Variants in AKAP12 observed in about 807,000 individuals in gnomAD.
AKAP12 encodes the protein A-kinase anchoring protein 12.
In AKAP12, 32 loss-of-function variants were observed where a neutral mutation model predicts 79.9. The observed-to-expected ratio is 0.40, with a 90% CI of 0.30 to 0.54. AKAP12 has a LOEUF of 0.54. AKAP12 is among the 20% of genes least tolerant of loss of function. The pLI is 0.48. For missense variants in AKAP12, 2,074 were observed against 2,177.0 expected, an observed-to-expected ratio of 0.95 and a Z score of 0.94; for synonymous variants, 808 against 857.0, an observed-to-expected ratio of 0.94 and a Z score of 1.00.
chr6:151,345,926 T>A (rs1407618228), intron 3 of AKAP12, among the ~76,000 whole-genome samples: 50 of 107,546 alleles, frequency 4.6e-4, no homozygotes, highest in Non-Finnish European at 7.5e-4. Context: ...TGTGTGTGTG[T>A]GTGTGTGAGA....
chr6:151,277,412 T>C (rs1304096625), intron 2 of AKAP12, among the ~76,000 whole-genome samples: 1 of 152,196 alleles, frequency 6.6e-6, no homozygotes, highest in Non-Finnish European at 1.5e-5. Context: ...CTTTAAGAAG[T>C]GTTTTTTAAG....
rs902051746 is a variant in AKAP12, at chr6:151,348,500, A to G, written c.320-211A>G. The stretch of plus-strand genomic sequence containing the variant: ...CAGAAAATAAAAAACTTAGCTGGAC[A>G]TGGTGGCATGTGCCTGTAGTCCCAG... On this transcript the variant is annotated intron_variant, in intron 3 of 4. Coordinates refer to ENST00000402676, the MANE Select transcript of AKAP12 (RefSeq NM_005100.4). The G allele has an allele frequency of 1.1e-5, 7 of 618,148 alleles. No homozygotes were observed. In the Admixed American group the frequency reaches 1.6e-4, roughly 14 times the overall value. 38.3% of individuals were successfully genotyped at this position (618,148 alleles called of 1,614,324 possible).
At chr6:151,309,956 C>T (rs898417943) in intron 3 of AKAP12, among the ~76,000 whole-genome samples, 6 of 149,456 alleles carry the variant, frequency 4.0e-5, no homozygotes, top group Non-Finnish European at 7.4e-5. Flanking sequence ...GGCAAATCTG[C>T]TTCTACCGAA....
At chr6:151,270,789 C>T (rs992283448) in intron 2 of AKAP12, among the ~76,000 whole-genome samples, 1 of 151,418 alleles carries the variant, frequency 6.6e-6, no homozygotes, top group Admixed American at 6.6e-5. Flanking sequence ...TGTGTGGATC[C>T]CTTTTGCTTT....
chr6:151,333,768 T>G lies in AKAP12; in HGVS notation c.320-14943T>G, dbSNP rs942052488. Among the ~76,000 whole-genome samples the G allele has an allele frequency of 1.1e-4, 17 of 150,664 alleles. No individual in the cohort carries two copies. In the Middle Eastern group the frequency reaches 0.01, roughly 93 times the overall value. On this transcript the variant is annotated intron_variant, in intron 3 of 4. Coordinates refer to ENST00000402676, the MANE Select transcript of AKAP12 (RefSeq NM_005100.4). ...AAAAAAAAAAAAAATGAAAGGTTTC[T>G]GCTCACCACAAACTAGAAGGGAATG...
In AKAP12 at chr6:151,351,789, G is replaced by A. The variant is rs1778297647; in HGVS notation, c.3398G>A (p.Ser1133Asn). ...APQVTESIES[S>N]ELVTTCQAET... ...CAAGTCACAGAGAGCATAGAGTCCAGTGAGCTTGTAACCACTTGTCAAGCC... is the reference window on the plus strand; with the variant it reads ...CAAGTCACAGAGAGCATAGAGTCCAATGAGCTTGTAACCACTTGTCAAGCC... The change falls in exon 4 of 5, where the codon AGT becomes AAT. Residue 1133 changes from serine (S) to asparagine (N), a missense_variant. This residue lies in a region of AKAP12 where 1,428 missense variants were observed against 1,451.0 expected (regional missense o/e 0.98). Coordinates refer to ENST00000402676, the MANE Select transcript of AKAP12 (RefSeq NM_005100.4). This position sits in a 1 kb window ranked among gnomAD's most constrained non-coding sequence, Gnocchi z 4.4. 1.9e-6 allele frequency: 3 copies of A among 1,614,062 alleles called. No individual in the cohort carries two copies. Among genetic ancestry groups the A allele is most frequent in the Non-Finnish European group, 1.7e-6 (2 of 1,180,038 alleles).
In AKAP12 at chr6:151,353,864, G is replaced by A; in HGVS notation, c.*12+112G>A. 7.2e-6 allele frequency: 5 copies of A among 690,032 alleles called. No homozygotes were observed. The South Asian group carries it at 9.5e-5, about 13-fold the overall frequency. 42.7% of individuals were successfully genotyped at this position (690,032 alleles called of 1,614,324 possible). A position where few individuals can be genotyped will look rare whatever the true frequency, so the allele number is the denominator to read the frequency against. On this transcript the variant is annotated intron_variant, in intron 4 of 4. Transcript: ENST00000402676. Reference sequence around the variant, plus strand: ...TTAATGCCTTCGTGTAGAACCTTCAGTTGAGGAAAATAACTATCAACTAGA... The same window carrying A: ...TTAATGCCTTCGTGTAGAACCTTCAATTGAGGAAAATAACTATCAACTAGA...
In AKAP12 at chr6:151,350,328, C is replaced by A; in HGVS notation, c.1937C>A (p.Thr646Asn). ...GTCAAGAGCGCTACCTTGTCTTCCA[C>A]CGAGAGCACAGCCTCTGAAATGCAA... ...DKVKSATLSS[T>N]ESTASEMQEE... Residue 646 changes from threonine (T) to asparagine (N), a missense_variant, in exon 4 of 5, where the codon ACC (threonine) becomes AAC (asparagine). Coordinates refer to ENST00000402676, the MANE Select transcript of AKAP12 (RefSeq NM_005100.4). The surrounding 1 kb of genome is among the most constrained non-coding windows in gnomAD (Gnocchi z 4.8). The A allele has an allele frequency of 6.2e-7, 1 of 1,613,842 alleles. No homozygotes were observed. The highest frequency in any genetic ancestry group is 8.5e-7 in the Non-Finnish European group (1 of 1,180,010).
intron 3 of AKAP12, among the ~76,000 whole-genome samples, chr6:151,306,228 T>C (rs1265851077): frequency 6.6e-6 from 1 of 152,182 alleles, no homozygotes; most frequent in African/African-American, 2.4e-5. Flanking sequence ...TCTCTCCCTC[T>C]AGAGAGGAGC....
chr6:151,271,160 T>C (rs1357316627), intron 2 of AKAP12, among the ~76,000 whole-genome samples: 1 of 152,150 alleles, frequency 6.6e-6, no homozygotes, highest in African/African-American at 2.4e-5. Flanking sequence ...TTTTGCCATC[T>C]TTGCTTTCTT....
At chr6:151,312,573 C>T (rs1051474145) in intron 3 of AKAP12, among the ~76,000 whole-genome samples, 18 of 152,162 alleles carry the variant, frequency 1.2e-4, no homozygotes, top group African/African-American at 3.9e-4. Context: ...GGGCGGATCA[C>T]GAGGTCAGGA....
chr6:151,350,130 A>G lies in AKAP12; in HGVS notation c.1739A>G (p.Glu580Gly). ...PEEPEEITCL[E>G]KGLAEVQQDG... Reference sequence around the variant, plus strand: ...GAGCCCGAGGAGATCACGTGTCTGGAAAAGGGCTTAGCCGAGGTGCAGCAG... The same window carrying G: ...GAGCCCGAGGAGATCACGTGTCTGGGAAAGGGCTTAGCCGAGGTGCAGCAG... Residue 580 changes from glutamate (E) to glycine (G), a missense_variant, in exon 4 of 5, where the codon GAA (glutamate) becomes GGA (glycine). Glu to Gly is a moderately conservative substitution (Grantham distance 98). Around this residue, in one of 3 missense-constraint regions of AKAP12, gnomAD observed 1,428 missense variants for 1,451.0 expected, o/e 0.98. Coordinates refer to ENST00000402676, the MANE Select transcript of AKAP12 (RefSeq NM_005100.4). This position sits in a 1 kb window ranked among gnomAD's most constrained non-coding sequence, Gnocchi z 4.8. The G allele has an allele frequency of 1.2e-6, 2 of 1,613,996 alleles. No homozygotes were observed.
intron 3 of AKAP12, among the ~76,000 whole-genome samples, chr6:151,310,582 G>T (rs11155783): frequency 0.15 from 22,082 of 152,036 alleles, 2,541 homozygotes; most frequent in East Asian, 0.63. Flanking sequence ...TTAACTTTTG[G>T]TAATTAGAAC....
chr6:151,353,721 C>A lies in AKAP12; in HGVS notation c.5330C>A (p.Ser1777Ter). Residue 1777 changes from serine (S) to a stop codon, truncating the protein, a stop_gained, in exon 4 of 5, where the codon TCA becomes TAA. Transcript: ENST00000402676. LOFTEE classifies it low-confidence loss of function (END_TRUNC). ...LQKQERESAK[S>*]ELTES is the part of the protein sequence containing the mutation. ...AAACAAGAGAGAGAATCTGCAAAGT[C>A]AGAACTTACAGAATCTTAAAACATC... 6.3e-7 allele frequency: 1 copy of A among 1,589,502 alleles called. No individual in the cohort carries two copies. The highest frequency in any genetic ancestry group is 1.1e-5 in the South Asian group (1 of 87,586).
At chr6:151,308,098 CT>C (rs1251172113) in intron 3 of AKAP12, among the ~76,000 whole-genome samples, 2 of 152,098 alleles carry the variant, frequency 1.3e-5, no homozygotes, top group African/African-American at 4.8e-5. Context: ...TGGTTTCGAA[CT>C]TCTGACCTCA....
At chr6:151,257,311 A>G (rs1797321327) in intron 2 of AKAP12, among the ~76,000 whole-genome samples, 1 of 151,608 alleles carries the variant, frequency 6.6e-6, no homozygotes, top group Non-Finnish European at 1.5e-5. Flanking sequence ...TTTGTATTTT[A>G]TTTTTGAGAC....
rs1228704728 is a variant in AKAP12, at chr6:151,353,668, C to T, written c.5277C>T (p.Ile1759=). The T allele has an allele frequency of 1.2e-6, 2 of 1,613,792 alleles. No homozygotes were observed. The highest frequency in any genetic ancestry group is 1.7e-6 in the Non-Finnish European group (2 of 1,179,936). The change falls in exon 4 of 5, where the codon ATC becomes ATT. Residue 1759 remains isoleucine (I), a synonymous_variant. Transcript: ENST00000402676. ...TGCACAGTGAATCAGATAAAGCGATCACACCCCAAGCACAGGAGGAGTTAC... is the reference window on the plus strand; with the variant it reads ...TGCACAGTGAATCAGATAAAGCGATTACACCCCAAGCACAGGAGGAGTTAC... ...GKVHSESDKA[I]TPQAQEELQK... is the part of the protein sequence containing the mutation.
chr6:151,253,997 CTG>C (rs1162681832), intron 2 of AKAP12, among the ~76,000 whole-genome samples: 17 of 152,190 alleles, frequency 1.1e-4, no homozygotes, highest in Admixed American at 6.5e-5. Flanking sequence ...GTGTGAACCA[CTG>C]TGCCCGGCCA....
Position 151,353,743 on chromosome 6 carries a change from C to A in AKAP12, c.*3C>A. 1 of 1,558,798 alleles carries A rather than the reference C, an allele frequency of 6.4e-7. No homozygotes were observed. Among genetic ancestry groups the A allele is most frequent in the Admixed American group, 2.0e-5 (1 of 49,436 alleles). On this transcript the variant is annotated 3_prime_UTR_variant, in exon 4 of 5. Coordinates refer to ENST00000402676, the MANE Select transcript of AKAP12 (RefSeq NM_005100.4). ...AGTCAGAACTTACAGAATCTTAAAA[C>A]ATCATGCAGGTAAGCTTCCTTGTCT... is the stretch of plus-strand genomic sequence containing the variant.
Sources: allele counts gnomAD v4.1 joint callset (sites outside exome capture counted in the v4.1 genomes callset), GRCh38; gene constraint gnomAD v4.1.1; regional missense constraint gnomAD v4.1.1; non-coding constraint Gnocchi (gnomAD v3.1); transcripts MANE v1.5; gene names NCBI Gene and HGNC (gene_info 2026-07-23, HGNC 2026-07-21).